CAST: variants seen among roughly 807,000 people sequenced by gnomAD.
CAST encodes calpastatin, also known as MIR583 host.
CAST carries 76 observed loss-of-function variants against 119.6 expected under a neutral mutation model. That is an observed-to-expected ratio of 0.64 (90% CI 0.53 to 0.77). The LOEUF (loss-of-function observed/expected upper bound fraction) is 0.77, where lower values mean the gene tolerates loss of function less well. CAST is among the 30% of genes least tolerant of loss of function. The probability of loss-of-function intolerance (pLI) is 0.00; values close to 1 mark genes in which losing one functional copy is unlikely to be tolerated. For missense variants in CAST, 953 were observed against 946.5 expected (o/e 1.01, Z -0.09); for synonymous variants, 319 against 331.6 (o/e 0.96, Z 0.41).
intron 1 of CAST, among the ~76,000 whole-genome samples, chr5:96,651,210 G>C (rs185720949): frequency 9.2e-5 from 14 of 152,272 alleles, no homozygotes; most frequent in East Asian, 7.7e-4. Context: ...CAGCAACAAA[G>C]CACTGTCTAG....
At chr5:96,754,773 T>G in intron 22 of CAST, 32 bp downstream of exon 22, 1 of 1,221,936 alleles carries the variant, frequency 8.2e-7, no homozygotes, top group Non-Finnish European at 1.2e-6. Context: ...TCTATTTTAT[T>G]TTAATTCATA....
chr5:96,290,281 T>A, the CAST span, among the ~76,000 whole-genome samples: 1 of 152,182 alleles, frequency 6.6e-6, no homozygotes. Context: ...CCCTTAGTCA[T>A]TGATGTACAC....
At chr5:96,104,418 G>A in the CAST span, among the ~76,000 whole-genome samples, 1 of 152,134 alleles carries the variant, frequency 6.6e-6, no homozygotes, top group Admixed American at 6.5e-5. Flanking sequence ...TGTATAAGGT[G>A]TAAGGAAGGG....
At chr5:96,231,570 G>C in the CAST span, among the ~76,000 whole-genome samples, 2 of 152,040 alleles carry the variant, frequency 1.3e-5, no homozygotes, top group South Asian at 4.1e-4. Flanking sequence ...TTGAGTGATG[G>C]TTGCACAACT....
chr5:96,537,982 T>C (rs908459682), intron 1 of CAST, among the ~76,000 whole-genome samples: 1 of 152,228 alleles, frequency 6.6e-6, no homozygotes, highest in African/African-American at 2.4e-5. Context: ...TTCAGCCCTC[T>C]CTTTCACTTG....
At chr5:96,455,979 C>A in the CAST span, among the ~76,000 whole-genome samples, 1 of 152,114 alleles carries the variant, frequency 6.6e-6, no homozygotes, top group African/African-American at 2.4e-5. Flanking sequence ...AAACAGCAGA[C>A]AACAAAAAGT....
the CAST span, among the ~76,000 whole-genome samples, chr5:96,204,622 T>A: frequency 3.3e-5 from 5 of 151,992 alleles, no homozygotes; most frequent in African/African-American, 4.8e-5. Flanking sequence ...TGTCCCAGGG[T>A]TGCTAAAGGG....
intron 1 of CAST, among the ~76,000 whole-genome samples, chr5:96,640,946 A>G (rs1383424547): frequency 6.6e-6 from 1 of 152,220 alleles, no homozygotes; most frequent in Non-Finnish European, 1.5e-5. Flanking sequence ...TATCATGTCC[A>G]TCACACTCCA....
At chr5:96,395,628 A>ACC in the CAST span, among the ~76,000 whole-genome samples, 2,562 of 152,198 alleles carry the variant, frequency 0.017, 79 homozygotes, top group African/African-American at 0.058. Context: ...AACATCACAC[A>ACC]ATGGGCCTGT....
At chr5:96,170,384 G>T in the CAST span, among the ~76,000 whole-genome samples, 1 of 152,222 alleles carries the variant, frequency 6.6e-6, no homozygotes. Flanking sequence ...GGCAGCTGTG[G>T]TTCAGGCGTT....
the CAST span, among the ~76,000 whole-genome samples, chr5:96,337,819 CT>C: frequency 6.6e-6 from 1 of 152,354 alleles, no homozygotes; most frequent in Admixed American, 6.5e-5. Context: ...GGTTTTACTT[CT>C]CTCTTCATTA....
At chr5:96,312,369 C>T in the CAST span, among the ~76,000 whole-genome samples, 4 of 151,984 alleles carry the variant, frequency 2.6e-5, no homozygotes, top group Non-Finnish European at 5.9e-5. Flanking sequence ...TAAGGGTTAC[C>T]CCTGTGTTGT....
At chr5:96,221,612 CACAA>C in the CAST span, among the ~76,000 whole-genome samples, 79 of 152,112 alleles carry the variant, frequency 5.2e-4, 1 homozygote, top group African/African-American at 1.8e-3. Flanking sequence ...TTGAAGAGGA[CACAA>C]ACAAATGGGA....
the CAST span, among the ~76,000 whole-genome samples, chr5:96,402,676 T>C: frequency 6.6e-6 from 1 of 152,172 alleles, no homozygotes; most frequent in African/African-American, 2.4e-5. Flanking sequence ...GGTTTCAGAC[T>C]CTTGCTTATG....
chr5:96,258,889 G>A, the CAST span, among the ~76,000 whole-genome samples: 30 of 152,286 alleles, frequency 2.0e-4, no homozygotes, highest in Admixed American at 1.9e-3. Flanking sequence ...TATATGATGA[G>A]TTAATCTTAT....
chr5:96,181,597 G>T, the CAST span, among the ~76,000 whole-genome samples: 2 of 152,224 alleles, frequency 1.3e-5, no homozygotes, highest in Non-Finnish European at 2.9e-5. Flanking sequence ...GATAAATGGA[G>T]CATCACAGTA....
chr5:96,103,878 T>A, the CAST span, among the ~76,000 whole-genome samples: 1 of 151,664 alleles, frequency 6.6e-6, no homozygotes, highest in African/African-American at 2.4e-5. Flanking sequence ...TCCTGACTTT[T>A]TAATGATTGC....
At chr5:96,560,914 G>C (rs897087817) in intron 1 of CAST, among the ~76,000 whole-genome samples, 1 of 152,176 alleles carries the variant, frequency 6.6e-6, no homozygotes, top group African/African-American at 2.4e-5. Context: ...TATGTTTATT[G>C]TGGCACTATT....
At chr5:96,501,387 A>C in the CAST span, among the ~76,000 whole-genome samples, 5 of 152,214 alleles carry the variant, frequency 3.3e-5, no homozygotes, top group African/African-American at 1.2e-4. Flanking sequence ...ATCATCTCAT[A>C]CTAGTTAAAT....
Sources: gnomAD v4.1 joint callset for allele counts (sites outside exome capture counted in the v4.1 genomes callset) on GRCh38, gnomAD v4.1.1 for gene constraint, MANE v1.5 for transcripts, NCBI Gene and HGNC (gene_info 2026-07-23, HGNC 2026-07-21) for gene names.